The following FBXL20 variants were observed in gnomAD, a reference collection of about 807,000 sequenced individuals.
FBXL20 encodes the protein F-box/LRR-repeat protein 20.
In FBXL20, 11 loss-of-function variants were observed where a neutral mutation model predicts 64.0. The ratio of observed to expected loss-of-function variants is 0.17; its 90% CI spans 0.11 to 0.28. The LOEUF (loss-of-function observed/expected upper bound fraction) is 0.28, where lower values mean the gene tolerates loss of function less well. Ranked by LOEUF, FBXL20 falls within the 10% of genes least tolerant of loss-of-function variation. The pLI is 1.00. For synonymous variants in FBXL20, 184 were observed against 189.0 expected (o/e 0.97, Z 0.22); for missense variants, 303 against 526.2 (o/e 0.58, Z 4.15).
At chr17:39,387,246 G>T (rs1309069023) in intron 1 of FBXL20, among the ~76,000 whole-genome samples, 3 of 150,056 alleles carry the variant, frequency 2.0e-5, no homozygotes, top group African/African-American at 4.9e-5. Context: ...GCTAATCTAT[G>T]ATGTTTGGTG....
At chr17:39,332,560 T>A (rs1378808784) in intron 2 of FBXL20, among the ~76,000 whole-genome samples, 6 of 123,968 alleles carry the variant, frequency 4.8e-5, no homozygotes, top group Non-Finnish European at 9.9e-5. Flanking sequence ...TTTTTTTTTT[T>A]AAGACAGAGT....
At chr17:39,299,127 T>G (rs1488094372) in intron 4 of FBXL20, 43 bp from the exon 5 acceptor site, 1 of 1,368,460 alleles carries the variant, frequency 7.3e-7, no homozygotes, top group Non-Finnish European at 1.0e-6. Flanking sequence ...CCCACCTCAT[T>G]ACTTTAGAAA....
intron 2 of FBXL20, among the ~76,000 whole-genome samples, chr17:39,326,613 C>A (rs2047411429): frequency 6.6e-6 from 1 of 151,214 alleles, no homozygotes; most frequent in Admixed American, 6.6e-5. Flanking sequence ...CAGAGCAAGA[C>A]CCTATTTAAA....
chr17:39,360,419 T>C (rs1284989030), intron 1 of FBXL20, among the ~76,000 whole-genome samples: 1 of 152,240 alleles, frequency 6.6e-6, no homozygotes, highest in African/African-American at 2.4e-5. Context: ...AAAAATGATT[T>C]AAAAACAAAT....
chr17:39,349,965 C>G (rs560773004), intron 1 of FBXL20, among the ~76,000 whole-genome samples: 4 of 150,678 alleles, frequency 2.7e-5, no homozygotes, highest in Non-Finnish European at 4.4e-5. Context: ...GCAGTCAAAA[C>G]TTTGTTTCAT....
At chr17:39,356,741 G>A (rs952770538) in intron 1 of FBXL20, among the ~76,000 whole-genome samples, 3 of 152,012 alleles carry the variant, frequency 2.0e-5, no homozygotes, top group South Asian at 2.1e-4. Context: ...CTGCAGCCTT[G>A]ACCTCCCAGG....
At chr17:39,306,049 C>T (rs564944114) in intron 2 of FBXL20, among the ~76,000 whole-genome samples, 7 of 151,956 alleles carry the variant, frequency 4.6e-5, no homozygotes, top group Non-Finnish European at 7.4e-5. Context: ...CCTGTAGTTC[C>T]AGCTACTTGG....
intron 1 of FBXL20, among the ~76,000 whole-genome samples, chr17:39,367,514 A>C (rs2047872861): frequency 6.6e-6 from 1 of 151,234 alleles, no homozygotes; most frequent in African/African-American, 2.4e-5. Context: ...ACAGGGTTTC[A>C]CCATGTTGGC....
At chr17:39,289,527 C>T (rs1350534132) in intron 6 of FBXL20, among the ~76,000 whole-genome samples, 1 of 151,984 alleles carries the variant, frequency 6.6e-6, no homozygotes, top group African/African-American at 2.4e-5. Context: ...CATGGTGACA[C>T]ACACCTGTAG....
At chr17:39,296,696 C>T (rs1179177346) in intron 6 of FBXL20, among the ~76,000 whole-genome samples, 3 of 151,710 alleles carry the variant, frequency 2.0e-5, no homozygotes, top group Non-Finnish European at 4.4e-5. Flanking sequence ...TCATGACCAA[C>T]ACAGACACAG....
chr17:39,285,797 G>A (rs1434256305), intron 6 of FBXL20, among the ~76,000 whole-genome samples: 1 of 152,146 alleles, frequency 6.6e-6, no homozygotes, highest in Non-Finnish European at 1.5e-5. Flanking sequence ...TTTGAATGAG[G>A]GGAAGATGGT....
chr17:39,314,200 G>C (rs978456984), intron 2 of FBXL20, among the ~76,000 whole-genome samples: 1 of 152,044 alleles, frequency 6.6e-6, no homozygotes, highest in Non-Finnish European at 1.5e-5. Context: ...GAAGACTTTT[G>C]TGTTGGCTTT....
At chr17:39,272,543 A>C (rs1014826437) in intron 10 of FBXL20, among the ~76,000 whole-genome samples, 1 of 151,476 alleles carries the variant, frequency 6.6e-6, no homozygotes, top group Non-Finnish European at 1.5e-5. Flanking sequence ...TACCAAAAAT[A>C]CCAAAAAAAT....
chr17:39,380,520 T>C (rs778038788), intron 1 of FBXL20, among the ~76,000 whole-genome samples: 2 of 152,188 alleles, frequency 1.3e-5, no homozygotes, highest in Non-Finnish European at 2.9e-5. Context: ...TTGCTTTATT[T>C]CATTAACTCT....
At chr17:39,320,125 T>G (rs979081382) in intron 2 of FBXL20, among the ~76,000 whole-genome samples, 4 of 152,174 alleles carry the variant, frequency 2.6e-5, no homozygotes, top group Admixed American at 1.3e-4. Context: ...ATAAACTAGT[T>G]TTGTAACTTG....
intron 1 of FBXL20, among the ~76,000 whole-genome samples, chr17:39,396,199 C>G (rs527502388): frequency 6.6e-6 from 1 of 151,540 alleles, no homozygotes. Flanking sequence ...TGCTTTTATT[C>G]AAAAAGCACA....
At chr17:39,303,748 A>G (rs2047158040) in intron 2 of FBXL20, 109 bp from the exon 3 acceptor site, 1 of 922,270 alleles carries the variant, frequency 1.1e-6, no homozygotes, top group African/African-American at 1.7e-5. Context: ...GAGCAGTGGC[A>G]TAATCACTGC....
chr17:39,276,878 G>GGA (rs1166291047), intron 9 of FBXL20, among the ~76,000 whole-genome samples: 1 of 152,134 alleles, frequency 6.6e-6, no homozygotes, highest in African/African-American at 2.4e-5. Context: ...CTTTAGCCCA[G>GGA]GAGTTCAAGG....
At chr17:39,276,945 A>C (rs2046902799) in intron 9 of FBXL20, among the ~76,000 whole-genome samples, 1 of 152,186 alleles carries the variant, frequency 6.6e-6, no homozygotes, top group Non-Finnish European at 1.5e-5. Flanking sequence ...AAAAAAGGAA[A>C]GTTACACATA....
Sources: gnomAD v4.1 joint callset for allele counts (sites outside exome capture counted in the v4.1 genomes callset) on GRCh38, gnomAD v4.1.1 for gene constraint, MANE v1.5 for transcripts, NCBI Gene and HGNC (gene_info 2026-07-23, HGNC 2026-07-21) for gene names.